SNTG1: variants seen among roughly 807,000 people sequenced by gnomAD.
SNTG1 encodes the protein syntrophin gamma 1.
A neutral mutation model predicts 74.7 loss-of-function variants in SNTG1; 39 were observed. The observed-to-expected ratio is 0.52, with a 90% CI of 0.40 to 0.68. The LOEUF is 0.68. Ranked by LOEUF, SNTG1 falls within the 30% of genes least tolerant of loss-of-function variation. SNTG1 has a pLI of 0.00. For synonymous variants in SNTG1, 254 were observed against 217.1 expected, an observed-to-expected ratio of 1.17 and a Z score of -1.49; for missense variants, 685 against 609.5, an observed-to-expected ratio of 1.12 and a Z score of -1.30.
chr8:49,967,320 G>C (rs1443676822), intron 1 of SNTG1, among the ~76,000 whole-genome samples: 6 of 152,156 alleles, frequency 3.9e-5, no homozygotes, highest in Admixed American at 1.3e-4. Flanking sequence ...CTTACAGTCT[G>C]TTCTCAGGAT....
intron 1 of SNTG1, among the ~76,000 whole-genome samples, chr8:50,076,193 G>T (rs925522416): frequency 5.3e-5 from 8 of 152,164 alleles, no homozygotes; most frequent in Non-Finnish European, 1.2e-4. Flanking sequence ...ATGTGAGCTT[G>T]AGCCAGCAAA....
At position 50,660,358 on chromosome 8, in the gene SNTG1, AAG is replaced by A. The variant is rs1294891794; in HGVS notation, c.1038+1707_1038+1708del. Among the ~76,000 whole-genome samples the A allele has an allele frequency of 1.5e-3, 197 of 132,508 alleles. 1 individual carries two copies. The highest frequency in any genetic ancestry group is 2.4e-3 in the African/African-American group (81 of 33,308). The allele number at this position is 132,508 out of a possible 152,430, so 86.9% of individuals were successfully genotyped here. On this transcript the variant is annotated intron_variant, in intron 15 of 18. Transcript: ENST00000642720. ...AGAAAGAAAGAGAAAGAAAGAAAGA[AAG>A]AGAGAGAGAGAAAGAAGGAAGGAAG...
At chr8:50,376,381 T>A (rs547456560) in intron 2 of SNTG1, among the ~76,000 whole-genome samples, 2 of 152,280 alleles carry the variant, frequency 1.3e-5, no homozygotes, top group East Asian at 3.9e-4. Context: ...AGGTTTTCTT[T>A]GCAGCAGTAG....
At chr8:49,965,984 A>G (rs1328896325) in intron 1 of SNTG1, among the ~76,000 whole-genome samples, 1 of 152,100 alleles carries the variant, frequency 6.6e-6, no homozygotes, top group African/African-American at 2.4e-5. Flanking sequence ...CCTCCCCTTC[A>G]TCTACCCAAC....
At chr8:50,625,760 G>T (rs1300088342) in intron 13 of SNTG1, among the ~76,000 whole-genome samples, 1 of 152,094 alleles carries the variant, frequency 6.6e-6, no homozygotes, top group Non-Finnish European at 1.5e-5. Context: ...TCCCAACTTT[G>T]TAGCAAGGCA....
chr8:50,643,691 C>G (rs1230335692), intron 13 of SNTG1: 1 of 152,114 alleles, frequency 6.6e-6, no homozygotes, highest in Non-Finnish European at 1.5e-5. Context: ...CAGGAAAAGG[C>G]TTGCAGAAAC....
chr8:50,218,564 TC>T (rs1450917225), intron 2 of SNTG1, among the ~76,000 whole-genome samples: 1 of 152,168 alleles, frequency 6.6e-6, no homozygotes, highest in Non-Finnish European at 1.5e-5. Flanking sequence ...TGTTTTTTTT[TC>T]AGTATAGTGA....
At chr8:50,666,620 G>T (rs1274379165) in intron 15 of SNTG1, among the ~76,000 whole-genome samples, 1 of 151,942 alleles carries the variant, frequency 6.6e-6, no homozygotes, top group Non-Finnish European at 1.5e-5. Context: ...AAATAGAAAT[G>T]CAAAACAAGC....
At chr8:50,350,531 CTCTATA>C (rs1387557391) in intron 2 of SNTG1, among the ~76,000 whole-genome samples, 1 of 151,472 alleles carries the variant, frequency 6.6e-6, no homozygotes, top group African/African-American at 2.5e-5. Flanking sequence ...CCAATCCACA[CTCTATA>C]TCTAGCTACT....
chr8:49,989,849 TTATAGTAA>T (rs1159434685), intron 1 of SNTG1, among the ~76,000 whole-genome samples: 1 of 152,000 alleles, frequency 6.6e-6, no homozygotes, highest in African/African-American at 2.4e-5. Context: ...ATCTGTGTAA[TTATAGTAA>T]TATGGAAGTA....
intron 5 of SNTG1, among the ~76,000 whole-genome samples, chr8:50,445,982 T>A (rs566117851): frequency 6.6e-6 from 1 of 152,198 alleles, no homozygotes; most frequent in East Asian, 1.9e-4. Flanking sequence ...AGTTTCCAGG[T>A]TAGGAGGGAA....
intron 2 of SNTG1, among the ~76,000 whole-genome samples, chr8:50,280,934 A>G (rs1287542948): frequency 6.7e-6 from 1 of 148,946 alleles, no homozygotes; most frequent in Non-Finnish European, 1.5e-5. Flanking sequence ...CGGGTGGATC[A>G]TGAGGTCAGG....
At chr8:50,503,020 A>C (rs943456050) in intron 9 of SNTG1, 140 bp downstream of exon 9, 1 of 632,302 alleles carries the variant, frequency 1.6e-6, no homozygotes, top group Non-Finnish European at 2.7e-6. Context: ...AAAGTGTTCT[A>C]CTAACCTTTA....
At chr8:50,680,435 A>G (rs1290975684) in intron 15 of SNTG1, among the ~76,000 whole-genome samples, 1 of 152,136 alleles carries the variant, frequency 6.6e-6, no homozygotes, top group Non-Finnish European at 1.5e-5. Flanking sequence ...GTCGATACCA[A>G]TTATGTGAAT....
chr8:49,924,460 C>G (rs893395693), intron 1 of SNTG1, among the ~76,000 whole-genome samples: 1 of 152,042 alleles, frequency 6.6e-6, no homozygotes, highest in African/African-American at 2.4e-5. Context: ...CAGAATAATG[C>G]AGTAAAAATT....
intron 2 of SNTG1, among the ~76,000 whole-genome samples, chr8:50,264,370 C>A (rs757087153): frequency 1.6e-4 from 24 of 151,844 alleles, no homozygotes; most frequent in Non-Finnish European, 1.5e-4. Flanking sequence ...GAGTTCGAGA[C>A]CAGCCTGACC....
chr8:50,597,854 T>A (rs2094742130), intron 13 of SNTG1, among the ~76,000 whole-genome samples: 1 of 152,044 alleles, frequency 6.6e-6, no homozygotes, highest in Admixed American at 6.6e-5. Context: ...GCCATTTGTA[T>A]GTATTCTTTT....
intron 9 of SNTG1, among the ~76,000 whole-genome samples, chr8:50,513,027 T>C (rs1282500914): frequency 4.6e-5 from 7 of 152,214 alleles, no homozygotes; most frequent in Non-Finnish European, 1.0e-4. Flanking sequence ...CTGCTCTGTT[T>C]TTTCCCCATC....
At chr8:50,310,140 G>T (rs140607111) in intron 2 of SNTG1, among the ~76,000 whole-genome samples, 1 of 152,134 alleles carries the variant, frequency 6.6e-6, no homozygotes, top group Non-Finnish European at 1.5e-5. Context: ...CAAGTTGGTC[G>T]CCTGGGGAAG....
Sources: gnomAD v4.1 joint callset for allele counts (sites outside exome capture counted in the v4.1 genomes callset) on GRCh38, gnomAD v4.1.1 for gene constraint, MANE v1.5 for transcripts, NCBI Gene and HGNC (gene_info 2026-07-23, HGNC 2026-07-21) for gene names.